Variants in OLAH observed in about 807,000 individuals in gnomAD.
The protein encoded by OLAH is S-acyl fatty acid synthase thioesterase, medium chain.
Under a neutral mutation model 27.8 loss-of-function variants are expected in OLAH, and 33 were observed. That is an observed-to-expected ratio of 1.19 (90% CI 0.90 to 1.59). The LOEUF (loss-of-function observed/expected upper bound fraction) is 1.59, where lower values mean the gene tolerates loss of function less well. OLAH is among the 40% of genes most tolerant of loss of function. OLAH has a pLI of 0.00. For synonymous variants in OLAH, 120 were observed against 102.9 expected (o/e 1.17, Z -1.01); for missense variants, 359 against 310.8 (o/e 1.16, Z -1.17).
chr10:15,041,062 T>C (rs752643080), upstream of OLAH, among the ~76,000 whole-genome samples: 66 of 152,300 alleles, frequency 4.3e-4, no homozygotes, highest in Non-Finnish European at 7.2e-4. Flanking sequence ...TCAGTCCAAA[T>C]GCCCTATTGA....
chr10:15,069,194 T>A (rs1039389138), intron 6 of OLAH, among the ~76,000 whole-genome samples: 1 of 152,198 alleles, frequency 6.6e-6, no homozygotes, highest in Admixed American at 6.5e-5. Context: ...GCCTGCTCCT[T>A]CTCTCTTGCA....
Position 15,056,680 on chromosome 10 carries a change from G to T in OLAH, c.164-5044G>T, listed in dbSNP as rs1844251744. 7.6e-6 allele frequency: 6 copies of T among 789,750 alleles called. No individual in the cohort carries two copies. In the South Asian group the frequency reaches 3.9e-4, roughly 52 times the overall value. 48.9% of individuals were successfully genotyped at this position (789,750 alleles called of 1,614,324 possible). ...GGATCTTGCTCTGTTGCCCAGGCTG[G>T]AGTACAATAGCATGATCTTGGCTCA... On this transcript the variant is annotated intron_variant, in intron 3 of 7. Coordinates refer to ENST00000378228, the MANE Select transcript of OLAH (RefSeq NM_001039702.3).
chr10:15,068,864 G>C (rs577445575), intron 6 of OLAH, among the ~76,000 whole-genome samples: 16 of 152,238 alleles, frequency 1.1e-4, no homozygotes, highest in African/African-American at 3.4e-4. Context: ...TGTTGTTGCT[G>C]TGATGACCTT....
chr10:15,065,278 T>C (rs1285743188), intron 5 of OLAH, among the ~76,000 whole-genome samples: 5 of 152,172 alleles, frequency 3.3e-5, no homozygotes, highest in Non-Finnish European at 7.4e-5. Context: ...CCTGGTGCTG[T>C]TGCTCCTGCT....
intron 6 of OLAH, among the ~76,000 whole-genome samples, chr10:15,069,464 A>T (rs1357568099): frequency 6.6e-6 from 1 of 152,178 alleles, no homozygotes; most frequent in East Asian, 1.9e-4. Context: ...GTGGCAGTCT[A>T]GTGCCAGTCC....
chr10:15,033,756 G>T (rs1843794745), intron 1 of OLAH, among the ~76,000 whole-genome samples: 1 of 152,122 alleles, frequency 6.6e-6, no homozygotes, highest in South Asian at 2.1e-4. Context: ...GGTGGAAGAG[G>T]AAAGGGCAAA....
At chr10:15,065,431 A>C (rs1844447905) in intron 5 of OLAH, 153 bp from the exon 6 acceptor site, 3 of 728,734 alleles carry the variant, frequency 4.1e-6, no homozygotes, top group Non-Finnish European at 6.4e-6. Context: ...CCCTACTTTC[A>C]AAACGACATA....
chr10:15,042,104 C>T (rs1369697041), upstream of OLAH, among the ~76,000 whole-genome samples: 1 of 151,986 alleles, frequency 6.6e-6, no homozygotes, highest in African/African-American at 2.4e-5. Context: ...TGCACAACTC[C>T]CAACCCCTGA....
At chr10:15,037,409 C>T (rs1422024982) in intron 1 of OLAH, among the ~76,000 whole-genome samples, 1 of 151,920 alleles carries the variant, frequency 6.6e-6, no homozygotes, top group Non-Finnish European at 1.5e-5. Flanking sequence ...GGTGAAACCC[C>T]GTCTCTACTA....
rs116117821 is a variant in OLAH, at chr10:15,051,462, G to A, written c.163+1697G>A. 4.6e-3 allele frequency among the ~76,000 whole-genome samples: 705 copies of A among 152,326 alleles called. 4 individuals are homozygous for A. The highest frequency in any genetic ancestry group is 0.016 in the African/African-American group (680 of 41,574). On this transcript the variant is annotated intron_variant, in intron 3 of 7. Transcript: ENST00000378228. Reference sequence around the variant, plus strand: ...ATCTGATCTAATGGCTGCAAGCCTTGCAGGTGAGTGTTCAGCTTTAATTCA... The same window carrying A: ...ATCTGATCTAATGGCTGCAAGCCTTACAGGTGAGTGTTCAGCTTTAATTCA...
chr10:15,061,598 C>A, intron 3 of OLAH, 126 bp from the exon 4 acceptor site: 1 of 819,918 alleles, frequency 1.2e-6, no homozygotes, highest in Non-Finnish European at 1.7e-6. Context: ...TTTTACCTTG[C>A]TGGACTTAAC....
chr10:15,049,104 T>C (rs1157716982), intron 2 of OLAH, among the ~76,000 whole-genome samples: 1 of 140,620 alleles, frequency 7.1e-6, no homozygotes, highest in Non-Finnish European at 1.6e-5. Flanking sequence ...CTATGTCTTT[T>C]TTTTTTTTTT....
chr10:15,038,947 G>A (rs187644423), upstream of OLAH, among the ~76,000 whole-genome samples: 1 of 152,170 alleles, frequency 6.6e-6, no homozygotes, highest in African/African-American at 2.4e-5. Flanking sequence ...CTCAGGCTGG[G>A]TGCAGTGGTT....
chr10:15,071,864 A>C lies in OLAH; in HGVS notation c.642A>C (p.Ala214=). 6.2e-7 allele frequency: 1 copy of C among 1,610,788 alleles called. No individual in the cohort carries two copies. Among genetic ancestry groups the C allele is most frequent in the Non-Finnish European group, 8.5e-7 (1 of 1,176,868 alleles). ...GTTTTGTTGGATCTGAAGACATAGC[A>C]AAGGACATGGAAGGTGAAATTATTT... is the stretch of plus-strand genomic sequence containing the variant. The part of the protein sequence containing the change: ...LTCFVGSEDI[A]KDMEAWKDVT... Residue 214 remains alanine, a synonymous_variant, in exon 7 of 8, where the codon GCA becomes GCC. Coordinates refer to ENST00000378228, the MANE Select transcript of OLAH (RefSeq NM_001039702.3).
chr10:15,058,641 T>C (rs1309864146), intron 3 of OLAH, among the ~76,000 whole-genome samples: 1 of 152,172 alleles, frequency 6.6e-6, no homozygotes, highest in Non-Finnish European at 1.5e-5. Context: ...AACAAAATGA[T>C]AAAAAATAAT....
chr10:15,064,439 TC>T lies in OLAH; in HGVS notation c.340del (p.Leu114Ter). ...SYIAFRTALGLKENNQPEPLH... is the reference protein window; with the variant it reads ...SYIAFRTALGXKENNQPEPLH... The stretch of plus-strand genomic sequence containing the variant: ...ACATTGCTTTTAGGACTGCACTAGG[TC>T]TAAAAGAAAACAATCAACCAGAACC... On this transcript the variant is annotated frameshift_variant, in exon 5 of 8. Coordinates refer to ENST00000378228, the MANE Select transcript of OLAH (RefSeq NM_001039702.3). LOFTEE classifies it high-confidence loss of function. 9 of 1,602,326 alleles carry T rather than the reference TC, an allele frequency of 5.6e-6. No homozygotes were observed. Among genetic ancestry groups the T allele is most frequent in the Non-Finnish European group, 6.8e-6 (8 of 1,175,758 alleles).
chr10:15,038,205 A>C (rs564307121), intron 1 of OLAH, among the ~76,000 whole-genome samples: 2 of 152,282 alleles, frequency 1.3e-5, no homozygotes, highest in East Asian at 3.9e-4. Context: ...CCTGTACCCC[A>C]TTGTATCTAG....
At chr10:15,054,449 G>A (rs1935391) in intron 3 of OLAH, among the ~76,000 whole-genome samples, 102,657 of 152,066 alleles carry the variant, frequency 0.68, 35,078 homozygotes, top group East Asian at 0.91. Context: ...ACTTCCTTCT[G>A]CAAGAATTGA....
intron 1 of OLAH, among the ~76,000 whole-genome samples, chr10:15,046,299 G>C (rs906205446): frequency 6.6e-6 from 1 of 150,456 alleles, no homozygotes; most frequent in Non-Finnish European, 1.5e-5. Flanking sequence ...CTGGGCAACA[G>C]AGTGAGACTC....
Sources: allele counts gnomAD v4.1 joint callset (sites outside exome capture counted in the v4.1 genomes callset), GRCh38; gene constraint gnomAD v4.1.1; transcripts MANE v1.5; gene names NCBI Gene and HGNC (gene_info 2026-07-23, HGNC 2026-07-21).